The following TBCEL variants were observed in gnomAD, a reference collection of about 807,000 sequenced individuals.
TBCEL encodes the protein tubulin folding cofactor E like.
TBCEL carries 15 observed loss-of-function variants against 44.2 expected under a neutral mutation model. The observed-to-expected ratio is 0.34, with a 90% CI of 0.23 to 0.52. TBCEL has a LOEUF of 0.52. TBCEL is among the 20% of genes least tolerant of loss of function. The pLI is 0.95. For missense variants in TBCEL, 319 were observed against 506.3 expected (o/e 0.63, Z 3.55); for synonymous variants, 171 against 185.4 (o/e 0.92, Z 0.63).
chr11:121,047,358 TCTC>T (rs1200893426), intron 3 of TBCEL, among the ~76,000 whole-genome samples, 167 bp from the exon 4 acceptor site: 5 of 152,018 alleles, frequency 3.3e-5, no homozygotes, highest in African/African-American at 1.2e-4. Flanking sequence ...TAACTGGCTG[TCTC>T]CTCTTAGGAT....
intron 6 of TBCEL, among the ~76,000 whole-genome samples, chr11:121,056,308 G>A (rs1945620020): frequency 6.6e-6 from 1 of 151,724 alleles, no homozygotes; most frequent in Non-Finnish European, 1.5e-5. Flanking sequence ...TGGCTTGATA[G>A]CTCATTTCTT....
rs1945345895 is a variant in TBCEL at position 121,042,156 on chromosome 11, A to G, written c.-17-3518A>G. Among the ~76,000 whole-genome samples the G allele has an allele frequency of 3.9e-5, 6 of 152,302 alleles. No individual in the cohort carries two copies. In the South Asian group the frequency reaches 1.0e-3, roughly 26 times the overall value. On this transcript the variant is annotated intron_variant, in intron 2 of 8. Coordinates refer to ENST00000683345, the MANE Select transcript of TBCEL (RefSeq NM_001363644.2). Reference sequence around the variant, plus strand: ...AGGCTCCAGACAAAAGGTGCTGCTTAAACTCAGTGACATTATTTTGACAGT... The same window carrying G: ...AGGCTCCAGACAAAAGGTGCTGCTTGAACTCAGTGACATTATTTTGACAGT...
intron 8 of TBCEL, among the ~76,000 whole-genome samples, chr11:121,066,070 A>G (rs1423690841): frequency 6.6e-6 from 1 of 152,382 alleles, no homozygotes; most frequent in South Asian, 2.1e-4. Context: ...TGTGGCTTAC[A>G]TAATAGAAAA....
intron 8 of TBCEL, among the ~76,000 whole-genome samples, chr11:121,079,837 C>T (rs1405011533): frequency 2.6e-5 from 4 of 152,072 alleles, no homozygotes; most frequent in Admixed American, 1.3e-4. Flanking sequence ...TTTTTTGAAA[C>T]GGAGTCTCAC....
At chr11:121,067,150 G>A (rs1315653085) in intron 8 of TBCEL, among the ~76,000 whole-genome samples, 1 of 152,220 alleles carries the variant, frequency 6.6e-6, no homozygotes, top group African/African-American at 2.4e-5. Context: ...GAGCCGACAT[G>A]ATGAGCCGAA....
chr11:121,076,528 C>T (rs1437513139), intron 8 of TBCEL, among the ~76,000 whole-genome samples: 1 of 152,024 alleles, frequency 6.6e-6, no homozygotes, highest in East Asian at 1.9e-4. Context: ...TTGTATTCTA[C>T]AGCCTTGCTA....
At chr11:121,059,068 C>A (rs1945672857) in intron 7 of TBCEL, among the ~76,000 whole-genome samples, 3 of 151,856 alleles carry the variant, frequency 2.0e-5, no homozygotes, top group Non-Finnish European at 4.4e-5. Flanking sequence ...AATGCAAGGG[C>A]CATAGAGCTT....
chr11:121,065,922 C>T (rs1356454689), intron 8 of TBCEL, among the ~76,000 whole-genome samples: 2 of 152,204 alleles, frequency 1.3e-5, no homozygotes, highest in East Asian at 3.9e-4. Flanking sequence ...AGAAACCAAT[C>T]CTAAATTACC....
At chr11:121,028,678 C>T (rs1945087932) in intron 1 of TBCEL, among the ~76,000 whole-genome samples, 1 of 152,132 alleles carries the variant, frequency 6.6e-6, no homozygotes, top group Non-Finnish European at 1.5e-5. Flanking sequence ...ATGATGATGC[C>T]TAGCACAACA....
intron 8 of TBCEL, among the ~76,000 whole-genome samples, chr11:121,080,986 C>T (rs547775716): frequency 6.6e-6 from 1 of 152,220 alleles, no homozygotes; most frequent in East Asian, 1.9e-4. Context: ...CAGGTGGCTT[C>T]ATTCTCTGTT....
At chr11:121,051,864 A>G (rs1945535203) in intron 4 of TBCEL, among the ~76,000 whole-genome samples, 1 of 151,848 alleles carries the variant, frequency 6.6e-6, no homozygotes, top group South Asian at 2.1e-4. Context: ...CTTGGAATTA[A>G]TCTACTTCTC....
intron 8 of TBCEL, among the ~76,000 whole-genome samples, chr11:121,085,980 T>G (rs1479208157): frequency 6.6e-6 from 1 of 152,216 alleles, no homozygotes; most frequent in African/African-American, 2.4e-5. Flanking sequence ...AAACTAATAT[T>G]AATTTTTTTC....
intron 8 of TBCEL, among the ~76,000 whole-genome samples, chr11:121,069,388 G>A (rs1170621736): frequency 1.3e-5 from 2 of 152,224 alleles, no homozygotes; most frequent in African/African-American, 4.8e-5. Context: ...TGGTGACGAT[G>A]AGGGAAGAAT....
intron 6 of TBCEL, 121 bp from the exon 7 acceptor site, chr11:121,058,224 G>A (rs147025427): frequency 4.3e-5 from 53 of 1,238,682 alleles, no homozygotes; most frequent in South Asian, 1.0e-4. Context: ...CTTTCAGACC[G>A]TTTAGTTTAT....
At chr11:121,060,715 G>GA (rs975827712) in intron 8 of TBCEL, among the ~76,000 whole-genome samples, 156 of 150,288 alleles carry the variant, frequency 1.0e-3, no homozygotes, top group African/African-American at 3.4e-3. Context: ...AAACATTCAA[G>GA]AAAAAAAAAT....
At chr11:121,024,416 AG>A (rs1296519702) in intron 1 of TBCEL, 125 bp downstream of exon 1, 2 of 152,894 alleles carry the variant, frequency 1.3e-5, no homozygotes, top group Non-Finnish European at 2.9e-5. Context: ...GAAGGGTGAA[AG>A]CCACATGGGG....
chr11:121,075,079 G>C (rs748557803), intron 8 of TBCEL, among the ~76,000 whole-genome samples: 1 of 151,872 alleles, frequency 6.6e-6, no homozygotes, highest in Non-Finnish European at 1.5e-5. Context: ...ACACAAGGGC[G>C]TGTGTATGTT....
intron 8 of TBCEL, among the ~76,000 whole-genome samples, chr11:121,073,333 T>C (rs1431978298): frequency 6.6e-6 from 1 of 152,008 alleles, no homozygotes; most frequent in African/African-American, 2.4e-5. Context: ...TCAGTAATGT[T>C]TTCTAATTTT....
At chr11:121,068,546 C>T (rs1448957073) in intron 8 of TBCEL, among the ~76,000 whole-genome samples, 1 of 152,012 alleles carries the variant, frequency 6.6e-6, no homozygotes, top group Admixed American at 6.6e-5. Flanking sequence ...AAGGCCCGTG[C>T]ATCTCATAGC....
Sources: allele counts gnomAD v4.1 joint callset (sites outside exome capture counted in the v4.1 genomes callset), GRCh38; gene constraint gnomAD v4.1.1; transcripts MANE v1.5; gene names NCBI Gene and HGNC (gene_info 2026-07-23, HGNC 2026-07-21).